The following TRHDE variants were observed in gnomAD, a reference collection of about 807,000 sequenced individuals.
TRHDE encodes thyrotropin-releasing hormone-degrading ectoenzyme.
Under a neutral mutation model 125.7 loss-of-function variants are expected in TRHDE, and 72 were observed. The ratio of observed to expected loss-of-function variants is 0.57; its 90% CI spans 0.47 to 0.70. The LOEUF (loss-of-function observed/expected upper bound fraction) is 0.70, where lower values mean the gene tolerates loss of function less well. Ranked by LOEUF, TRHDE falls within the 30% of genes least tolerant of loss-of-function variation. TRHDE has a pLI of 0.00. For missense variants in TRHDE, 1,110 were observed against 1,327.1 expected (o/e 0.84, Z 2.54); for synonymous variants, 509 against 509.1 (o/e 1.00, Z 0.00).
intron 2 of TRHDE, among the ~76,000 whole-genome samples, chr12:72,377,304 C>CTTTTT (rs200021223): frequency 1.5e-4 from 19 of 130,412 alleles, no homozygotes; most frequent in African/African-American, 4.2e-4. Context: ...TTGCTTTAGG[C>CTTTTT]TTTTTTTTTT....
intron 6 of TRHDE, 70 bp from the exon 7 acceptor site, chr12:72,542,221 T>C (rs1270826117): frequency 4.1e-6 from 5 of 1,206,620 alleles, no homozygotes; most frequent in Non-Finnish European, 5.8e-6. Flanking sequence ...TAGACTAGAT[T>C]TGAGTAAAAC....
At chr12:72,098,874 A>G (rs139378484) in intron 1 of TRHDE, among the ~76,000 whole-genome samples, 19 of 152,332 alleles carry the variant, frequency 1.2e-4, no homozygotes, top group Non-Finnish European at 2.4e-4. Flanking sequence ...GTAAGAAAGA[A>G]TAAATCACTG....
intron 12 of TRHDE, among the ~76,000 whole-genome samples, chr12:72,611,774 G>A (rs1219454026): frequency 6.6e-6 from 1 of 152,202 alleles, no homozygotes; most frequent in African/African-American, 2.4e-5. Flanking sequence ...TGATGGTCAT[G>A]CCAGTAAGAG....
At chr12:72,479,645 T>TG (rs1378114341) in intron 5 of TRHDE, among the ~76,000 whole-genome samples, 2 of 95,094 alleles carry the variant, frequency 2.1e-5, no homozygotes, top group Admixed American at 1.3e-4. Flanking sequence ...GGATTTTTTT[T>TG]TGTTTTTTTT....
At chr12:72,410,698 C>T (rs557658372) in intron 3 of TRHDE, among the ~76,000 whole-genome samples, 1 of 152,114 alleles carries the variant, frequency 6.6e-6, no homozygotes, top group African/African-American at 2.4e-5. Flanking sequence ...TTAGGATCAG[C>T]ATCATTAATA....
chr12:72,537,500 C>A (rs1037074378), intron 6 of TRHDE, among the ~76,000 whole-genome samples: 16 of 152,170 alleles, frequency 1.1e-4, no homozygotes, highest in Admixed American at 8.5e-4. Context: ...TGCCTTCCAC[C>A]ATGATGGTAA....
chr12:72,121,131 T>C (rs76262651), intron 2 of TRHDE, among the ~76,000 whole-genome samples: 1 of 152,372 alleles, frequency 6.6e-6, no homozygotes, highest in East Asian at 1.9e-4. Flanking sequence ...TAATATTCTG[T>C]TTCTTTCTGT....
chr12:72,286,637 T>C, intron 1 of TRHDE, 44 bp from the exon 2 acceptor site: 1 of 1,573,736 alleles, frequency 6.4e-7, no homozygotes, highest in Admixed American at 1.7e-5. Context: ...ATAACTTAAC[T>C]CACAACATAA....
chr12:72,498,934 T>G (rs1878028054), intron 5 of TRHDE, among the ~76,000 whole-genome samples: 1 of 151,410 alleles, frequency 6.6e-6, no homozygotes, highest in Non-Finnish European at 1.5e-5. Context: ...TTACTAGTTG[T>G]GGTCTCTTGA....
At chr12:72,268,068 C>T (rs1879107223), upstream of TRHDE, among the ~76,000 whole-genome samples, 3 of 152,084 alleles carry the variant, frequency 2.0e-5, no homozygotes, top group South Asian at 6.2e-4. Flanking sequence ...TTAAAAATTT[C>T]ATCAAATGAT....
At chr12:72,531,277 AT>A (rs1565780330) in intron 6 of TRHDE, among the ~76,000 whole-genome samples, 1 of 151,868 alleles carries the variant, frequency 6.6e-6, no homozygotes, top group African/African-American at 2.4e-5. Context: ...TGAATTTTCT[AT>A]TTATATCCAT....
rs200944180 is a variant in TRHDE at position 72,542,348 on chromosome 12, G to T, written c.1780G>T (p.Gly594Cys). The change falls in exon 7 of 19, where the codon GGT becomes TGT. Residue 594 changes from glycine to cysteine, a missense_variant. Gly to Cys is a radical substitution (Grantham distance 159). This residue lies in a region of TRHDE where 527 missense variants were observed against 651.8 expected (regional missense o/e 0.81). Coordinates refer to ENST00000261180, the MANE Select transcript of TRHDE (RefSeq NM_013381.3). ...NFMGHSVFQR[G>C]LQDYLTIHKY... ...TATGGGCCATTCAGTTTTCCAGAGGGGTTTGCAAGTAAGTAAAATGCTTTT... is the reference window on the plus strand; with the variant it reads ...TATGGGCCATTCAGTTTTCCAGAGGTGTTTGCAAGTAAGTAAAATGCTTTT... 6 of 1,602,090 alleles carry T rather than the reference G, an allele frequency of 3.7e-6. No individual in the cohort carries two copies. The highest frequency in any genetic ancestry group is 5.1e-6 in the Non-Finnish European group (6 of 1,172,774).
chr12:72,448,534 G>A (rs1439478059), intron 3 of TRHDE, among the ~76,000 whole-genome samples: 1 of 152,016 alleles, frequency 6.6e-6, no homozygotes, highest in Non-Finnish European at 1.5e-5. Flanking sequence ...TGGTAGTAGT[G>A]TTCTGGAAAA....
intron 2 of TRHDE, among the ~76,000 whole-genome samples, chr12:72,325,532 C>A (rs887903946): frequency 2.0e-5 from 3 of 151,980 alleles, no homozygotes; most frequent in African/African-American, 7.2e-5. Context: ...GCAAACAACA[C>A]CAACAAAATA....
At chr12:72,610,288 C>T (rs998944329) in intron 12 of TRHDE, among the ~76,000 whole-genome samples, 3 of 152,184 alleles carry the variant, frequency 2.0e-5, no homozygotes, top group African/African-American at 7.2e-5. Flanking sequence ...CATGCATAGT[C>T]TGTCTTTAAA....
intron 2 of TRHDE, among the ~76,000 whole-genome samples, chr12:72,358,700 G>C (rs770202456): frequency 5.9e-5 from 9 of 151,482 alleles, no homozygotes; most frequent in Non-Finnish European, 1.2e-4. Context: ...TACTAAAAAG[G>C]CTCAGCCAAG....
chr12:72,552,871 G>T (rs1383153758), intron 7 of TRHDE, among the ~76,000 whole-genome samples: 2 of 152,148 alleles, frequency 1.3e-5, no homozygotes, highest in African/African-American at 4.8e-5. Flanking sequence ...AGCTGTAATG[G>T]TTTTAAGCTG....
At chr12:72,090,549 T>C (rs1874765639) in intron 1 of TRHDE, among the ~76,000 whole-genome samples, 1 of 152,194 alleles carries the variant, frequency 6.6e-6, no homozygotes, top group African/African-American at 2.4e-5. Flanking sequence ...AGCATGTTTT[T>C]ATGCCTTTTG....
At chr12:72,448,936 G>T (rs1875436523) in intron 3 of TRHDE, among the ~76,000 whole-genome samples, 1 of 151,902 alleles carries the variant, frequency 6.6e-6, no homozygotes. Context: ...TAAGTGACTG[G>T]CTTGTAATGC....
Sources: allele counts gnomAD v4.1 joint callset (sites outside exome capture counted in the v4.1 genomes callset), GRCh38; gene constraint gnomAD v4.1.1; regional missense constraint gnomAD v4.1.1; transcripts MANE v1.5; gene names NCBI Gene and HGNC (gene_info 2026-07-23, HGNC 2026-07-21).